Variants in PBRM1 observed in about 807,000 individuals in gnomAD.
The protein encoded by PBRM1 is protein polybromo-1.
Under a neutral mutation model 194.5 loss-of-function variants are expected in PBRM1, and 27 were observed. The observed-to-expected ratio is 0.14, with a 90% CI of 0.10 to 0.19. PBRM1 has a LOEUF of 0.19. Ranked by LOEUF, PBRM1 falls within the 10% of genes least tolerant of loss-of-function variation. The pLI is 1.00. For missense variants in PBRM1, 1,466 were observed against 2,077.2 expected (o/e 0.71, Z 5.72); for synonymous variants, 655 against 693.2 (o/e 0.94, Z 0.87).
intron 5 of PBRM1, among the ~76,000 whole-genome samples, chr3:52,655,890 CA>C (rs1436499575): frequency 1.3e-5 from 2 of 152,152 alleles, no homozygotes. Flanking sequence ...GCATGGGGTA[CA>C]AAGTAATCCA....
chr3:52,605,603 C>CTT (rs752235047), intron 16 of PBRM1, among the ~76,000 whole-genome samples: 46 of 135,016 alleles, frequency 3.4e-4, no homozygotes, highest in African/African-American at 7.0e-4. Flanking sequence ...CGGAAAGTCT[C>CTT]TTTTTTTTTT....
intron 10 of PBRM1, among the ~76,000 whole-genome samples, chr3:52,639,459 G>C (rs997956882): frequency 2.7e-5 from 4 of 150,918 alleles, no homozygotes; most frequent in Non-Finnish European, 4.4e-5. Flanking sequence ...TTTGGAGGCA[G>C]GGCTGGAGTG....
At chr3:52,646,832 C>A (rs2096306716) in intron 7 of PBRM1, among the ~76,000 whole-genome samples, 1 of 152,076 alleles carries the variant, frequency 6.6e-6, no homozygotes, top group African/African-American at 2.4e-5. Context: ...AGGTGTAAAT[C>A]TTTGTGATTT....
intron 15 of PBRM1, 54 bp downstream of exon 17, chr3:52,615,297 A>T (rs911839392): frequency 8.9e-6 from 8 of 899,866 alleles, no homozygotes; most frequent in Middle Eastern, 2.2e-4. Context: ...CAGAAAAATC[A>T]GCAATCTCTT....
At chr3:52,639,426 GTTTCC>G (rs1312392582) in intron 10 of PBRM1, among the ~76,000 whole-genome samples, 4 of 151,564 alleles carry the variant, frequency 2.6e-5, no homozygotes, top group Admixed American at 6.6e-5. Flanking sequence ...CCTGTTAAAG[GTTTCC>G]TTTCTTTTCT....
chr3:52,553,736 AC>A (rs1362619873), intron 27 of PBRM1, among the ~76,000 whole-genome samples: 4 of 143,802 alleles, frequency 2.8e-5, no homozygotes, highest in African/African-American at 1.0e-4. Context: ...ATCTCGGCTC[AC>A]TGCAACCTCT....
chr3:52,555,455 TG>T (rs2082016153), intron 26 of PBRM1, among the ~76,000 whole-genome samples: 1 of 152,252 alleles, frequency 6.6e-6, no homozygotes. Flanking sequence ...GGATTGTGCT[TG>T]GGCTTGAGTT....
At chr3:52,601,656 G>A (rs558081916) in intron 17 of PBRM1, among the ~76,000 whole-genome samples, 1 of 152,104 alleles carries the variant, frequency 6.6e-6, no homozygotes, top group Non-Finnish European at 1.5e-5. Context: ...GGGCTGTCAA[G>A]GGGGCCATGC....
intron 11 of PBRM1, among the ~76,000 whole-genome samples, chr3:52,632,838 C>A (rs1235057647): frequency 6.6e-6 from 1 of 151,986 alleles, no homozygotes; most frequent in Non-Finnish European, 1.5e-5. Context: ...GGATTACTGG[C>A]TCCTGCCACT....
chr3:52,663,082 T>C (rs2096759970), intron 3 of PBRM1, among the ~76,000 whole-genome samples: 1 of 151,908 alleles, frequency 6.6e-6, no homozygotes, highest in African/African-American at 2.4e-5. Flanking sequence ...AAAAATAAAA[T>C]AAAACTTTAA....
chr3:52,550,300 T>C, intron 29 of PBRM1, 121 bp downstream of exon 31: 3 of 418,286 alleles, frequency 7.2e-6, no homozygotes, highest in East Asian at 3.6e-5. Context: ...ATGAAATATA[T>C]AATTTATTTT....
chr3:52,684,966 A>G (rs1024193277), intron 1 of PBRM1: 2 of 152,212 alleles, frequency 1.3e-5, no homozygotes, highest in Admixed American at 6.5e-5. Context: ...CATGAGTCCA[A>G]TTTGCACTTT....
intron 3 of PBRM1, among the ~76,000 whole-genome samples, chr3:52,664,566 T>A (rs1469256819): frequency 1.3e-5 from 2 of 151,540 alleles, no homozygotes; most frequent in African/African-American, 4.8e-5. Flanking sequence ...TGAAACCCTG[T>A]CTCTACTAAA....
At chr3:52,616,343 GAA>G (rs2094951206) in intron 14 of PBRM1, among the ~76,000 whole-genome samples, 1 of 152,138 alleles carries the variant, frequency 6.6e-6, no homozygotes, top group South Asian at 2.1e-4. Context: ...ATATCAAATA[GAA>G]AAAGTTTCAA....
chr3:52,678,086 G>A (rs1242332635), intron 2 of PBRM1, among the ~76,000 whole-genome samples: 1 of 152,070 alleles, frequency 6.6e-6, no homozygotes, highest in African/African-American at 2.4e-5. Context: ...TGCCCAGGCT[G>A]GTCTCAAATT....
chr3:52,558,772 A>G (rs1166288198), intron 25 of PBRM1, among the ~76,000 whole-genome samples: 1 of 152,256 alleles, frequency 6.6e-6, no homozygotes, highest in African/African-American at 2.4e-5. Flanking sequence ...TATTAATAGC[A>G]TTACAGATTA....
At chr3:52,548,364 C>T in intron 29 of PBRM1, 129 bp from the exon 32 acceptor site, 1 of 564,750 alleles carries the variant, frequency 1.8e-6, no homozygotes, top group Non-Finnish European at 2.9e-6. Context: ...TGAATTTTAA[C>T]TGCAGAATAT....
chr3:52,643,482 ACT>A (rs983682866), intron 8 of PBRM1, 139 bp from the exon 10 acceptor site: 2 of 633,068 alleles, frequency 3.2e-6, no homozygotes, highest in Non-Finnish European at 2.8e-6. Context: ...TATGCAGCAG[ACT>A]CTGCTTCAGG....
At chr3:52,576,035 T>C (rs1465699062) in intron 22 of PBRM1, among the ~76,000 whole-genome samples, 3 of 151,824 alleles carry the variant, frequency 2.0e-5, no homozygotes, top group Non-Finnish European at 4.4e-5. Context: ...TTATCCAGTC[T>C]GAGGAGCAGA....
Sources: allele counts gnomAD v4.1 joint callset (sites outside exome capture counted in the v4.1 genomes callset), GRCh38; gene constraint gnomAD v4.1.1; transcripts MANE v1.5; gene names NCBI Gene and HGNC (gene_info 2026-07-23, HGNC 2026-07-21).